GSE1: variants seen among roughly 807,000 people sequenced by gnomAD.
GSE1 encodes the protein genetic suppressor element 1.
Under a neutral mutation model 112.6 loss-of-function variants are expected in GSE1, and 32 were observed. That is an observed-to-expected ratio of 0.28 (90% CI 0.21 to 0.38). GSE1 has a LOEUF of 0.38. Ranked by LOEUF, GSE1 falls within the 10% of genes least tolerant of loss-of-function variation. GSE1 has a pLI of 1.00. For missense variants in GSE1, 2,348 were observed against 1,699.2 expected (o/e 1.38, Z -6.71); for synonymous variants, 1,115 against 735.6 (o/e 1.52, Z -8.35).
At chr16:85,633,827 C>T (rs2049756090) in intron 1 of GSE1, 87 bp from the exon 2 acceptor site, 2 of 1,010,654 alleles carry the variant, frequency 2.0e-6, no homozygotes, top group Non-Finnish European at 3.0e-6. Flanking sequence ...CTGCCTGCTG[C>T]TGCTGACACC....
intron 2 of GSE1, among the ~76,000 whole-genome samples, chr16:85,430,875 G>A (rs1057084912): frequency 6.6e-6 from 1 of 152,240 alleles, no homozygotes; most frequent in African/African-American, 2.4e-5. Context: ...CGGGGTCTCA[G>A]ACACTGCAGG....
upstream of GSE1, chr16:85,611,452 G>T (rs565657609): frequency 1.1e-3 from 1,082 of 985,172 alleles, 12 homozygotes; most frequent in African/African-American, 0.016. Flanking sequence ...AGGCCGCAAG[G>T]GGGGCGCCGC....
intron 2 of GSE1, among the ~76,000 whole-genome samples, chr16:85,431,284 C>A (rs1165764030): frequency 1.3e-5 from 2 of 152,212 alleles, no homozygotes; most frequent in Admixed American, 6.5e-5. Context: ...AGCCTCCAGG[C>A]CCTGTCCATA....
intron 2 of GSE1, among the ~76,000 whole-genome samples, chr16:85,381,628 G>A (rs2047547487): frequency 6.6e-6 from 1 of 152,220 alleles, no homozygotes; most frequent in South Asian, 2.1e-4. Context: ...GGCTATGTGG[G>A]TTTAACAGGC....
chr16:85,368,082 G>A (rs182908935), intron 2 of GSE1, among the ~76,000 whole-genome samples: 164 of 152,228 alleles, frequency 1.1e-3, no homozygotes, highest in African/African-American at 3.6e-3. Flanking sequence ...TCGAACTCTC[G>A]ACCTCAGGTG....
At chr16:85,424,505 C>T (rs1439088716) in intron 2 of GSE1, among the ~76,000 whole-genome samples, 1 of 152,202 alleles carries the variant, frequency 6.6e-6, no homozygotes, top group Non-Finnish European at 1.5e-5. Context: ...CCAGCCATGC[C>T]TCTAGCCCTG....
intron 2 of GSE1, among the ~76,000 whole-genome samples, chr16:85,382,542 G>A (rs2047571328): frequency 1.3e-5 from 2 of 152,176 alleles, no homozygotes; most frequent in African/African-American, 2.4e-5. Flanking sequence ...TGAGACAGCA[G>A]AGCCCTTGAA....
chr16:85,673,145 T>C lies in GSE1; in HGVS notation c.*606T>C, dbSNP rs944943540. 6.6e-6 allele frequency: 1 copy of C among 152,500 alleles called. No individual in the cohort carries two copies. The highest frequency in any genetic ancestry group is 2.4e-5 in the African/African-American group (1 of 41,448). The allele number at this position is 152,500 out of a possible 1,614,324, so 9.4% of individuals were successfully genotyped here. On this transcript the variant is annotated 3_prime_UTR_variant, in exon 16 of 16. Coordinates refer to ENST00000253458, the MANE Select transcript of GSE1 (RefSeq NM_014615.5). ...GCTTTTCCCTGGAAAAGCTCTTTCT[T>C]ACCTAAAGATAAAACCAATTCACAA...
chr16:85,353,170 C>G (rs912284877), intron 1 of GSE1, among the ~76,000 whole-genome samples: 17 of 152,190 alleles, frequency 1.1e-4, no homozygotes, highest in African/African-American at 3.9e-4. Context: ...AGGAACCCGC[C>G]TCCACACTCA....
At chr16:85,644,632 G>A (rs1281669939) in intron 2 of GSE1, among the ~76,000 whole-genome samples, 1 of 152,192 alleles carries the variant, frequency 6.6e-6, no homozygotes, top group East Asian at 1.9e-4. Context: ...GAGACGGAGA[G>A]CCAATGCGTG....
chr16:85,183,415 G>A (rs2074635581), intron 1 of GSE1, among the ~76,000 whole-genome samples: 1 of 152,172 alleles, frequency 6.6e-6, no homozygotes, highest in African/African-American at 2.4e-5. Context: ...AAGGAGGTGG[G>A]CACAGTGGCT....
intron 1 of GSE1, among the ~76,000 whole-genome samples, chr16:85,623,041 T>C (rs1041094126): frequency 1.3e-5 from 2 of 152,130 alleles, no homozygotes; most frequent in African/African-American, 4.8e-5. Context: ...GTGCCACTCA[T>C]GGGGCTGTGG....
chr16:85,201,733 C>A lies in GSE1; in HGVS notation c.2283+29926C>A, dbSNP rs118013519. Among the ~76,000 whole-genome samples the A allele has an allele frequency of 8.3e-3, 1,266 of 152,206 alleles. 9 individuals carry two copies. Among genetic ancestry groups the A allele is most frequent in the Non-Finnish European group, 0.014 (972 of 68,006 alleles). The stretch of plus-strand genomic sequence containing the variant: ...GACTCAAGCCCTGGCTGGGTCCTGG[C>A]CGTGCCCCACAGTTCCAGACTTCAC... On this transcript the variant is annotated intron_variant, in intron 1 of 2. Transcript: ENST00000637419.
intron 3 of GSE1, among the ~76,000 whole-genome samples, chr16:85,651,501 G>C (rs932605791): frequency 6.6e-6 from 1 of 152,208 alleles, no homozygotes; most frequent in Non-Finnish European, 1.5e-5. Flanking sequence ...AGGGGAGAAG[G>C]GGTTCAAGGG....
rs11866637 is a variant in GSE1, at chr16:85,558,931, C to T, written c.37+2568C>T. 7.0e-3 allele frequency among the ~76,000 whole-genome samples: 1,053 copies of T among 150,490 alleles called. 16 individuals carry two copies. Among genetic ancestry groups the T allele is most frequent in the African/African-American group, 0.025 (1,017 of 40,880 alleles). On this transcript the variant is annotated intron_variant, in intron 1 of 2. Transcript: ENST00000635906. ...GGAGTGCAGTGGTGTGATCTCGGCT[C>T]ACTGCAACCTCCACCTTCCAGGTTC...
chr16:85,564,664 C>G (rs1249947873), intron 1 of GSE1, among the ~76,000 whole-genome samples: 5 of 152,148 alleles, frequency 3.3e-5, no homozygotes, highest in Admixed American at 2.0e-4. Context: ...GGCTCTGAAG[C>G]CTGTGCGTCC....
chr16:85,653,942 G>A (rs1161481087), intron 3 of GSE1, among the ~76,000 whole-genome samples: 2 of 152,124 alleles, frequency 1.3e-5, no homozygotes, highest in African/African-American at 4.8e-5. Context: ...ACCAGGAGGG[G>A]TGGAGGCAGG....
At chr16:85,340,459 G>C (rs1241659117) in intron 1 of GSE1, among the ~76,000 whole-genome samples, 3 of 152,132 alleles carry the variant, frequency 2.0e-5, no homozygotes, top group Non-Finnish European at 4.4e-5. Flanking sequence ...GGCCAACATG[G>C]TGAAACCCCA....
chr16:85,170,371 C>CT lies in GSE1; in HGVS notation c.849dup (p.Val284CysfsTer19). 1 of 985,508 alleles carries CT rather than the reference C, an allele frequency of 1.0e-6. No homozygotes were observed. Among genetic ancestry groups the CT allele is most frequent in the Non-Finnish European group, 1.2e-6 (1 of 829,992 alleles). 61.0% of individuals were successfully genotyped at this position (985,508 alleles called of 1,614,324 possible). On this transcript the variant is annotated frameshift_variant, in exon 1 of 3. Coordinates refer to the GSE1 transcript ENST00000637419. LOFTEE classifies it high-confidence loss of function. ...CATTCAGGATCCCTGGCAAGGCCCT[C>CT]TTGTCCAAGAGGCCCCTGCAGACGG...
Sources: allele counts gnomAD v4.1 joint callset (sites outside exome capture counted in the v4.1 genomes callset), GRCh38; gene constraint gnomAD v4.1.1; transcripts MANE v1.5; gene names NCBI Gene and HGNC (gene_info 2026-07-23, HGNC 2026-07-21).